Variants in MARF1 observed in about 807,000 individuals in gnomAD.
MARF1 encodes meiosis regulator and mRNA stability factor 1, also known as limkain-b1.
Under a neutral mutation model 168.2 loss-of-function variants are expected in MARF1, and 24 were observed. The ratio of observed to expected loss-of-function variants is 0.14; its 90% CI spans 0.10 to 0.20. MARF1 has a LOEUF of 0.20. MARF1 is among the 10% of genes least tolerant of loss of function. The pLI, the probability that MARF1 is intolerant of heterozygous loss-of-function variation, is 1.00. For synonymous variants in MARF1, 868 were observed against 822.4 expected, an observed-to-expected ratio of 1.06 and a Z score of -0.95; for missense variants, 1,744 against 2,143.6, an observed-to-expected ratio of 0.81 and a Z score of 3.68.
intron 25 of MARF1, 56 bp from the exon 26 acceptor site, chr16:15,599,080 C>T: frequency 2.0e-6 from 3 of 1,515,972 alleles, no homozygotes; most frequent in South Asian, 2.3e-5. Context: ...ACCCCCAGCA[C>T]ACACCCTGGG....
At chr16:15,627,231 T>C (rs1301140256) in intron 7 of MARF1, among the ~76,000 whole-genome samples, 1 of 151,984 alleles carries the variant, frequency 6.6e-6, no homozygotes, top group Non-Finnish European at 1.5e-5. Flanking sequence ...CTCACTCCTC[T>C]AATCCCAGTA....
chr16:15,602,280 A>C, intron 22 of MARF1, 77 bp from the exon 23 acceptor site: 1 of 1,176,688 alleles, frequency 8.5e-7, no homozygotes, highest in Non-Finnish European at 1.3e-6. Flanking sequence ...CCTCCCACTG[A>C]GGGAAAAGGC....
At chr16:15,624,287 T>C (rs1252001969) in intron 10 of MARF1, among the ~76,000 whole-genome samples, 1 of 152,174 alleles carries the variant, frequency 6.6e-6, no homozygotes. Context: ...TAAAAGGAGC[T>C]CATGGGAATG....
chr16:15,614,249 G>A (rs145093094), intron 16 of MARF1, among the ~76,000 whole-genome samples: 23,898 of 151,426 alleles, frequency 0.16, 3,398 homozygotes, highest in African/African-American at 0.39. Flanking sequence ...TTGGGAGGCT[G>A]AGGCGGGCGG....
rs1322204247 is a variant in MARF1 at position 15,639,077 on chromosome 16, T to G, written c.144+13A>C. On this transcript the variant is annotated intron_variant, in intron 2 of 26. Transcript: ENST00000396368. ...GAGGAATCTGCTACATCCTTAGTCT[T>G]GCATATAGTTACCGTTTGGGGACTA... is the stretch of plus-strand genomic sequence containing the variant. 6.2e-7 allele frequency: 1 copy of G among 1,612,102 alleles called. No homozygotes were observed. The highest frequency in any genetic ancestry group is 8.5e-7 in the Non-Finnish European group (1 of 1,179,036).
chr16:15,604,272 GCTC>G lies in MARF1; in HGVS notation c.4306_4308del (p.Glu1436del). Reference sequence around the variant, plus strand: ...TGGGTACTTTCGTAATGTCTCTTGAGCTCCTCAACAGAAAGATGGGTGGTTCCT... The same window carrying G: ...TGGGTACTTTCGTAATGTCTCTTGAGCTCAACAGAAAGATGGGTGGTTCCT... On this transcript the variant is annotated inframe_deletion, in exon 22 of 27. Transcript: ENST00000396368. 1 of 1,614,028 alleles carries G rather than the reference GCTC, an allele frequency of 6.2e-7. No individual in the cohort carries two copies. The highest frequency in any genetic ancestry group is 1.7e-5 in the Admixed American group (1 of 60,026).
At chr16:15,606,308 C>T (rs1367216126) in intron 21 of MARF1, among the ~76,000 whole-genome samples, 4 of 152,156 alleles carry the variant, frequency 2.6e-5, no homozygotes, top group African/African-American at 9.7e-5. Context: ...CATCCCATGC[C>T]TTTTCCTGAC....
In MARF1 at chr16:15,620,575, T is replaced by C. The variant is rs773631822; in HGVS notation, c.2640-44A>G. 30 of 1,224,020 alleles carry C rather than the reference T, an allele frequency of 2.5e-5. 1 individual carries two copies. The Admixed American group carries it at 3.0e-4, about 12-fold the overall frequency. 75.8% of individuals were successfully genotyped at this position (1,224,020 alleles called of 1,614,324 possible). Reference sequence around the variant, plus strand: ...ATTAGGGAACAGACCATTTCCTCCATATTACAAGTTATATAAACAGAGTTC... The same window carrying C: ...ATTAGGGAACAGACCATTTCCTCCACATTACAAGTTATATAAACAGAGTTC... On this transcript the variant is annotated intron_variant, in intron 12 of 26. Transcript: ENST00000396368.
intron 22 of MARF1, 172 bp from the exon 23 acceptor site, chr16:15,602,375 A>C: frequency 1.6e-6 from 1 of 624,978 alleles, no homozygotes; most frequent in Non-Finnish European, 2.8e-6. Context: ...AAGATGACGA[A>C]GAAGAAGGAG....
intron 23 of MARF1, 127 bp from the exon 24 acceptor site, chr16:15,600,828 A>T: frequency 1.1e-6 from 1 of 933,096 alleles, no homozygotes; most frequent in Non-Finnish European, 1.7e-6. Flanking sequence ...TACTGCCAAG[A>T]AGCATGTTTC....
chr16:15,620,364 A>G lies in MARF1; in HGVS notation c.2720+87T>C, dbSNP rs2034367887. 1.2e-5 allele frequency: 8 copies of G among 673,148 alleles called. 1 individual carries two copies. The South Asian group carries it at 1.4e-4, about 11-fold the overall frequency. 41.7% of individuals were successfully genotyped at this position (673,148 alleles called of 1,614,324 possible). On this transcript the variant is annotated intron_variant, in intron 13 of 26. Transcript: ENST00000396368. ...TGTCTCCTCTCCTCTACCAGGCTGA[A>G]GTTCCTCAAGAGTCATTACCATGGT...
At position 15,596,121 on chromosome 16, in the gene MARF1, T is replaced by G. The variant is rs1213554386; in HGVS notation, c.*572A>C. 6.6e-6 allele frequency: 1 copy of G among 152,640 alleles called. No homozygotes were observed. Among genetic ancestry groups the G allele is most frequent in the Non-Finnish European group, 1.5e-5 (1 of 68,052 alleles). The allele number at this position is 152,640 out of a possible 1,614,324, so 9.5% of individuals were successfully genotyped here. ...ATAAAAAACAAGGCACACTTACAAG[T>G]CACATGGAAGCCAGGAACCTTCACA... On this transcript the variant is annotated 3_prime_UTR_variant, in exon 27 of 27. Transcript: ENST00000396368.
At chr16:15,601,773 C>T (rs2032458689) in intron 23 of MARF1, 2 of 599,578 alleles carry the variant, frequency 3.3e-6, no homozygotes, top group Admixed American at 5.9e-5. Flanking sequence ...CAGCCTGAAA[C>T]TTACTCACCT....
chr16:15,634,941 A>T lies in MARF1; in HGVS notation c.832-10T>A. 6.2e-7 allele frequency: 1 copy of T among 1,608,460 alleles called. No homozygotes were observed. Among genetic ancestry groups the T allele is most frequent in the Non-Finnish European group, 8.5e-7 (1 of 1,177,202 alleles). On this transcript the variant is annotated splice_polypyrimidine_tract_variant and intron_variant, in intron 3 of 26. Transcript: ENST00000396368. ...TGCTATTTCTTGCTGGCTGTTTTAA[A>T]TTTTTTTTAAAAAGGAGGAGGTGTC...
chr16:15,636,112 A>G lies in MARF1; in HGVS notation c.375T>C (p.Gly125=). Residue 125 remains glycine (G), a synonymous_variant, in exon 3 of 27, where the codon GGT becomes GGC. Coordinates refer to ENST00000396368, the MANE Select transcript of MARF1 (RefSeq NM_014647.4). ...CGCCCGGGTGAATCAAGCTACTGGTACCTCCGCTACCGCCACCACCACCAC... is the reference window on the plus strand; with the variant it reads ...CGCCCGGGTGAATCAAGCTACTGGTGCCTCCGCTACCGCCACCACCACCAC... ...RFGGGGGGSG[G]TSSLIHPGAL... The G allele has an allele frequency of 1.9e-6, 3 of 1,614,154 alleles. No homozygotes were observed. Among genetic ancestry groups the G allele is most frequent in the Non-Finnish European group, 2.5e-6 (3 of 1,180,018 alleles).
At chr16:15,612,359 A>G (rs970547166) in intron 17 of MARF1, among the ~76,000 whole-genome samples, 198 bp downstream of exon 17, 1 of 152,240 alleles carries the variant, frequency 6.6e-6, no homozygotes, top group Non-Finnish European at 1.5e-5. Context: ...GAGTTCCTCT[A>G]AAACTGGAAA....
intron 13 of MARF1, among the ~76,000 whole-genome samples, chr16:15,617,970 C>A (rs1407893777): frequency 6.6e-6 from 1 of 152,220 alleles, no homozygotes; most frequent in Non-Finnish European, 1.5e-5. Flanking sequence ...CCCTCTGACA[C>A]TGGACTCCCC....
intron 19 of MARF1, chr16:15,610,493 A>G (rs1297671952): frequency 6.5e-6 from 1 of 153,322 alleles, no homozygotes; most frequent in Non-Finnish European, 1.5e-5. Flanking sequence ...GCATCCCTCA[A>G]ATACTGTACT....
chr16:15,601,501 C>G (rs3752425), intron 23 of MARF1: 155,548 of 221,560 alleles, frequency 0.7, 55,992 homozygotes, highest in African/African-American at 0.9. Flanking sequence ...TCAGCTCCCT[C>G]TTAGCCTCTC....
Sources: allele counts gnomAD v4.1 joint callset (sites outside exome capture counted in the v4.1 genomes callset), GRCh38; gene constraint gnomAD v4.1.1; transcripts MANE v1.5; gene names NCBI Gene and HGNC (gene_info 2026-07-23, HGNC 2026-07-21).